ADGRL3: variants seen among roughly 807,000 people sequenced by gnomAD.
ADGRL3 encodes adhesion G protein-coupled receptor L3, also known as calcium-independent alpha-latrotoxin receptor 3.
Under a neutral mutation model 153.5 loss-of-function variants are expected in ADGRL3, and 62 were observed. The observed-to-expected ratio is 0.40, with a 90% CI of 0.33 to 0.50. The LOEUF (loss-of-function observed/expected upper bound fraction) is 0.50, where lower values mean the gene tolerates loss of function less well. Ranked by LOEUF, ADGRL3 falls within the 20% of genes least tolerant of loss-of-function variation. The probability of loss-of-function intolerance (pLI) is 0.47; values close to 1 mark genes in which losing one functional copy is unlikely to be tolerated. For synonymous variants in ADGRL3, 710 were observed against 672.5 expected (o/e 1.06, Z -0.86); for missense variants, 1,641 against 1,859.4 (o/e 0.88, Z 2.16).
At chr4:61,897,100 A>G (rs1227413110) in intron 11 of ADGRL3, among the ~76,000 whole-genome samples, 2 of 152,208 alleles carry the variant, frequency 1.3e-5, no homozygotes, top group African/African-American at 4.8e-5. Flanking sequence ...CAGCCCAGCT[A>G]ATCTTAGGAC....
chr4:61,872,408 C>CT (rs10715924), intron 9 of ADGRL3, among the ~76,000 whole-genome samples: 19 of 133,072 alleles, frequency 1.4e-4, no homozygotes, highest in South Asian at 4.7e-4. Context: ...TCCTTCTTTC[C>CT]TTTTTTTTTT....
At chr4:61,854,837 G>C (rs2098245249) in intron 9 of ADGRL3, among the ~76,000 whole-genome samples, 1 of 152,182 alleles carries the variant, frequency 6.6e-6, no homozygotes, top group African/African-American at 2.4e-5. Flanking sequence ...TTTTGATTAT[G>C]ATGTGATCAA....
At chr4:61,502,694 A>G (rs189225773) in intron 3 of ADGRL3, among the ~76,000 whole-genome samples, 2 of 152,232 alleles carry the variant, frequency 1.3e-5, no homozygotes, top group African/African-American at 4.8e-5. Flanking sequence ...TAAAATACTA[A>G]TGTCAATGAT....
chr4:61,853,858 T>C (rs2098235367), intron 9 of ADGRL3, among the ~76,000 whole-genome samples: 2 of 152,214 alleles, frequency 1.3e-5, no homozygotes, highest in African/African-American at 4.8e-5. Flanking sequence ...GTAAGAAGCA[T>C]GAGGTGTAAT....
chr4:61,981,878 C>T (rs2099069616), intron 18 of ADGRL3, among the ~76,000 whole-genome samples: 1 of 152,170 alleles, frequency 6.6e-6, no homozygotes, highest in South Asian at 2.1e-4. Context: ...TGATTAATGA[C>T]TGTAAAGGGT....
chr4:61,748,763 G>A (rs1246851081), intron 8 of ADGRL3, among the ~76,000 whole-genome samples: 7 of 151,968 alleles, frequency 4.6e-5, no homozygotes. Flanking sequence ...AACCCTAGAA[G>A]AAAACCTAGG....
rs542686639 is a variant in ADGRL3, at chr4:62,043,123, T to C, written c.3718-1330T>C. Among the ~76,000 whole-genome samples the C allele has an allele frequency of 2.8e-4, 42 of 152,188 alleles. 1 individual carries two copies. Among genetic ancestry groups the C allele is most frequent in the African/African-American group, 1.0e-3 (42 of 41,566 alleles). On this transcript the variant is annotated intron_variant, in intron 24 of 26. Transcript: ENST00000683033. ...TACCATTGACAGTCATTTTGGTTGA[T>C]CATATTTCAGCTATAATATTTAATG...
intron 5 of ADGRL3, among the ~76,000 whole-genome samples, chr4:61,658,087 C>A (rs960748753): frequency 5.3e-5 from 8 of 152,104 alleles, no homozygotes; most frequent in Admixed American, 2.6e-4. Context: ...TTTTTGTATT[C>A]TTTTTCTTCA....
chr4:61,365,742 A>G (rs1001294048), intron 1 of ADGRL3, among the ~76,000 whole-genome samples: 3 of 152,348 alleles, frequency 2.0e-5, no homozygotes, highest in East Asian at 3.9e-4. Context: ...TAGTATCTTT[A>G]GAATTGGCAA....
intron 1 of ADGRL3, among the ~76,000 whole-genome samples, chr4:61,363,035 T>C (rs2096317302): frequency 6.6e-6 from 1 of 152,176 alleles, no homozygotes. Context: ...TCAACTGACT[T>C]TTTCATGGGT....
rs35918477 is a variant in ADGRL3 at position 61,200,501 on chromosome 4, G to GCGCCGCCGCCGCCGCCGCCGCCGC, written c.-1503_-1480dup. Among the ~76,000 whole-genome samples, 3 of 150,412 alleles carry GCGCCGCCGCCGCCGCCGCCGCCGC rather than the reference G, an allele frequency of 2.0e-5. No individual in the cohort carries two copies. The highest frequency in any genetic ancestry group is 7.3e-5 in the African/African-American group (3 of 40,916). ...CAGATGCTGCAGCTGGTCGGGGTGG[G>GCGCCGCCGCCGCCGCCGCCGCCGC]CGCCGCCGCCGCCGCCGCCGCCGCT... is the stretch of plus-strand genomic sequence containing the variant. On this transcript the variant is annotated 5_prime_UTR_variant, in exon 1 of 27. Coordinates refer to ENST00000683033, the MANE Select transcript of ADGRL3 (RefSeq NM_001387552.1).
chr4:61,846,948 A>ATGTGTGTGTGTGTGTGTGTGTG lies in ADGRL3; in HGVS notation c.1480+33061_1480+33082dup, dbSNP rs72301670. Among the ~76,000 whole-genome samples the ATGTGTGTGTGTGTGTGTGTGTG allele has an allele frequency of 8.2e-3, 1,191 of 145,792 alleles. 11 individuals carry two copies. Among genetic ancestry groups the ATGTGTGTGTGTGTGTGTGTGTG allele is most frequent in the African/African-American group, 0.022 (858 of 38,576 alleles). On this transcript the variant is annotated intron_variant, in intron 9 of 26. Transcript: ENST00000683033. ...AGCCGTGAGGGATATTTTATATATTATGTGTGTGTGTGTGTGTGTGTGTAT... is the reference window on the plus strand; with the variant it reads ...AGCCGTGAGGGATATTTTATATATTATGTGTGTGTGTGTGTGTGTGTGTGTGTGTGTGTGTGTGTGTGTGTAT...
chr4:61,731,835 G>A (rs1260858960), intron 7 of ADGRL3, among the ~76,000 whole-genome samples: 1 of 152,048 alleles, frequency 6.6e-6, no homozygotes, highest in African/African-American at 2.4e-5. Context: ...CACTACAGAT[G>A]AATCAGCCAG....
chr4:61,924,050 T>C lies in ADGRL3; in HGVS notation c.2113-10790T>C, dbSNP rs573124995. Among the ~76,000 whole-genome samples, 3 of 152,216 alleles carry C rather than the reference T, an allele frequency of 2.0e-5. No individual in the cohort carries two copies. In the South Asian group the frequency reaches 6.2e-4, roughly 32 times the overall value. On this transcript the variant is annotated intron_variant, in intron 13 of 26. Coordinates refer to ENST00000683033, the MANE Select transcript of ADGRL3 (RefSeq NM_001387552.1). ...CCCTCTCCTCTCATTCTCCCTTAAA[T>C]TCACCTCCTGAGGCTTGTGTCCCCA...
intron 5 of ADGRL3, among the ~76,000 whole-genome samples, chr4:61,608,126 A>G (rs1022769815): frequency 6.6e-6 from 1 of 152,224 alleles, no homozygotes; most frequent in Admixed American, 6.5e-5. Context: ...CAGTGAATAA[A>G]CATCTGTAAG....
At chr4:61,429,830 A>G (rs1038881806) in intron 2 of ADGRL3, among the ~76,000 whole-genome samples, 1 of 152,070 alleles carries the variant, frequency 6.6e-6, no homozygotes, top group African/African-American at 2.4e-5. Flanking sequence ...TTTTAAGGTA[A>G]TTTCCTTGGT....
intron 4 of ADGRL3, among the ~76,000 whole-genome samples, chr4:61,576,067 G>T (rs763727131): frequency 6.6e-6 from 1 of 151,960 alleles, no homozygotes; most frequent in Non-Finnish European, 1.5e-5. Context: ...TCTTTATGTG[G>T]TTTTTGAAGT....
chr4:61,425,764 G>A (rs1046747364), intron 2 of ADGRL3, among the ~76,000 whole-genome samples: 7 of 152,174 alleles, frequency 4.6e-5, no homozygotes, highest in East Asian at 1.9e-4. Flanking sequence ...AGTCATTCAC[G>A]GAGGCCATAT....
chr4:61,625,932 AGCATACAACCATGATTAAGTGTCT>A (rs1448769569), intron 5 of ADGRL3, among the ~76,000 whole-genome samples: 1 of 152,092 alleles, frequency 6.6e-6, no homozygotes, highest in Non-Finnish European at 1.5e-5. Context: ...ATTTCTGTAT[AGCATACAACCATGATTAAGTGTCT>A]GCAAGTGTGT....
Sources: gnomAD v4.1 joint callset for allele counts (sites outside exome capture counted in the v4.1 genomes callset) on GRCh38, gnomAD v4.1.1 for gene constraint, MANE v1.5 for transcripts, NCBI Gene and HGNC (gene_info 2026-07-23, HGNC 2026-07-21) for gene names.